Variants in KALRN observed in about 807,000 individuals in gnomAD.
KALRN encodes kalirin.
Under a neutral mutation model 353.7 loss-of-function variants are expected in KALRN, and 70 were observed. The observed-to-expected ratio is 0.20, with a 90% CI of 0.16 to 0.24. The LOEUF (loss-of-function observed/expected upper bound fraction) is 0.24. KALRN is among the 10% of genes least tolerant of loss of function. The pLI is 1.00. For synonymous variants in KALRN, 1,391 were observed against 1,434.8 expected (o/e 0.97, Z 0.69); for missense variants, 2,791 against 3,756.7 (o/e 0.74, Z 6.72).
At chr3:124,155,231 CCTT>C (rs1158956835) in intron 1 of KALRN, among the ~76,000 whole-genome samples, 8 of 152,164 alleles carry the variant, frequency 5.3e-5, no homozygotes, top group Middle Eastern at 3.4e-3. Context: ...ACCAAAGGAA[CCTT>C]CTTCTTCTTC....
At chr3:124,362,327 C>T (rs930493072) in intron 10 of KALRN, among the ~76,000 whole-genome samples, 2 of 152,214 alleles carry the variant, frequency 1.3e-5, no homozygotes, top group Non-Finnish European at 2.9e-5. Context: ...AGGAGAAAAG[C>T]CCACTCTCAA....
At chr3:124,049,677 A>C (rs985261639) in intron 1 of KALRN, among the ~76,000 whole-genome samples, 2 of 152,196 alleles carry the variant, frequency 1.3e-5, no homozygotes, top group Non-Finnish European at 2.9e-5. Flanking sequence ...AGCACTAGAA[A>C]TGGAGTGAAA....
At chr3:124,497,722 ACC>A (rs1467663183) in intron 33 of KALRN, among the ~76,000 whole-genome samples, 43 of 152,220 alleles carry the variant, frequency 2.8e-4, no homozygotes, top group Admixed American at 2.8e-3. Context: ...TAGAAATATA[ACC>A]TAGTGTTCCT....
At chr3:124,267,474 T>C (rs1435665656) in intron 4 of KALRN, among the ~76,000 whole-genome samples, 1 of 152,212 alleles carries the variant, frequency 6.6e-6, no homozygotes, top group Non-Finnish European at 1.5e-5. Context: ...GCAACTCTAC[T>C]TGCACATTAG....
At chr3:124,688,396 G>T (rs535168987) in intron 51 of KALRN, among the ~76,000 whole-genome samples, 2 of 150,670 alleles carry the variant, frequency 1.3e-5, no homozygotes, top group South Asian at 2.1e-4. Flanking sequence ...TTGAAAACAC[G>T]AAGGGTTAAA....
intron 59 of KALRN, among the ~76,000 whole-genome samples, chr3:124,717,599 G>A (rs190463673): frequency 3.7e-4 from 57 of 152,004 alleles, no homozygotes; most frequent in Middle Eastern, 6.8e-3. Context: ...GGAAGGCTGA[G>A]GCAGGAGAAT....
chr3:124,074,402 G>A (rs1379212557), intron 1 of KALRN, among the ~76,000 whole-genome samples: 4 of 152,214 alleles, frequency 2.6e-5, no homozygotes, highest in Non-Finnish European at 5.9e-5. Flanking sequence ...ACCAAATTCA[G>A]TGGACAATCT....
chr3:124,614,071 A>G (rs2078287126), intron 34 of KALRN, among the ~76,000 whole-genome samples: 2 of 152,194 alleles, frequency 1.3e-5, no homozygotes, highest in South Asian at 4.1e-4. Flanking sequence ...AGCTTTCAGA[A>G]TCCTCACTTG....
At chr3:124,665,575 G>A (rs538926150) in intron 45 of KALRN, among the ~76,000 whole-genome samples, 70 of 152,004 alleles carry the variant, frequency 4.6e-4, no homozygotes, top group African/African-American at 1.6e-3. Context: ...AGTGATCCTC[G>A]TGCCTCAGCC....
chr3:124,564,822 C>T (rs1283873135), intron 34 of KALRN, among the ~76,000 whole-genome samples: 2 of 152,214 alleles, frequency 1.3e-5, no homozygotes, highest in East Asian at 3.9e-4. Flanking sequence ...AGTTTGAGAT[C>T]CACTGACTTG....
Position 124,417,516 on chromosome 3 carries a change from A to G in KALRN, c.2542+3851A>G, listed in dbSNP as rs571489907. The stretch of plus-strand genomic sequence containing the variant: ...TTCTCTCTTTATACAAGGTTTGTAA[A>G]TGAGAAATCTCTGGAGTTTGTGGCC... On this transcript the variant is annotated intron_variant, in intron 14 of 59. Coordinates refer to ENST00000682506, the MANE Select transcript of KALRN (RefSeq NM_001388419.1). Among the ~76,000 whole-genome samples, 4 of 152,360 alleles carry G rather than the reference A, an allele frequency of 2.6e-5. 1 individual carries two copies. In the South Asian group the frequency reaches 8.3e-4, roughly 32 times the overall value.
chr3:124,364,526 T>C (rs2149709757), intron 10 of KALRN, among the ~76,000 whole-genome samples: 1 of 152,342 alleles, frequency 6.6e-6, no homozygotes, highest in African/African-American at 2.4e-5. Context: ...GAAGAACATG[T>C]TCCTGCTTTG....
chr3:124,678,658 G>C (rs1233594815), intron 50 of KALRN: 1 of 194,546 alleles, frequency 5.1e-6, no homozygotes, highest in Non-Finnish European at 1.1e-5. Flanking sequence ...CCCTAGGTTT[G>C]AGAATACACA....
At chr3:124,489,361 G>A (rs993194009) in intron 29 of KALRN, among the ~76,000 whole-genome samples, 3 of 152,106 alleles carry the variant, frequency 2.0e-5, no homozygotes, top group Admixed American at 1.3e-4. Flanking sequence ...GGTGCTAAAG[G>A]AAATGTGTAT....
intron 33 of KALRN, among the ~76,000 whole-genome samples, chr3:124,504,001 A>G (rs2064920959): frequency 6.6e-6 from 1 of 152,266 alleles, no homozygotes; most frequent in Non-Finnish European, 1.5e-5. Flanking sequence ...TTCATAAAAT[A>G]TAGCAGACAG....
chr3:124,581,918 G>A (rs4678137), intron 34 of KALRN, among the ~76,000 whole-genome samples: 37,890 of 152,008 alleles, frequency 0.25, 4,878 homozygotes, highest in East Asian at 0.33. Flanking sequence ...AACTATGTGA[G>A]GATTAAGGAT....
chr3:124,058,848 A>G (rs948036474), intron 1 of KALRN, among the ~76,000 whole-genome samples: 6 of 152,122 alleles, frequency 3.9e-5, no homozygotes, highest in Middle Eastern at 3.2e-3. Context: ...ATATTTGTAT[A>G]TATTTTTAAA....
chr3:124,496,252 C>T, intron 32 of KALRN, 59 bp from the exon 33 acceptor site: 1 of 1,337,946 alleles, frequency 7.5e-7, no homozygotes, highest in East Asian at 2.3e-5. Flanking sequence ...CTTGTGTGCT[C>T]TAAACCCACA....
At chr3:124,680,678 C>A (rs919125685) in intron 51 of KALRN, among the ~76,000 whole-genome samples, 27 of 152,152 alleles carry the variant, frequency 1.8e-4, no homozygotes, top group Non-Finnish European at 7.4e-5. Context: ...GCCTAAGAGC[C>A]GGTAAGTCAG....
Sources: gnomAD v4.1 joint callset for allele counts (sites outside exome capture counted in the v4.1 genomes callset) on GRCh38, gnomAD v4.1.1 for gene constraint, MANE v1.5 for transcripts, NCBI Gene and HGNC (gene_info 2026-07-23, HGNC 2026-07-21) for gene names.